CPAMD8: variants seen among roughly 807,000 people sequenced by gnomAD.
CPAMD8 encodes the protein C3 and PZP-like alpha-2-macroglobulin domain-containing protein 8.
Under a neutral mutation model 224.7 loss-of-function variants are expected in CPAMD8, and 146 were observed. That is an observed-to-expected ratio of 0.65 (90% CI 0.57 to 0.75). The LOEUF is 0.75. CPAMD8 is among the 30% of genes least tolerant of loss of function. The probability of loss-of-function intolerance (pLI) is 0.00; values close to 1 mark genes in which losing one functional copy is unlikely to be tolerated. For synonymous variants in CPAMD8, 966 were observed against 1,044.6 expected, an observed-to-expected ratio of 0.92 and a Z score of 1.45; for missense variants, 2,301 against 2,537.5, an observed-to-expected ratio of 0.91 and a Z score of 2.00.
chr19:16,991,866 A>AC (rs1568572592), intron 12 of CPAMD8, among the ~76,000 whole-genome samples: 1 of 150,884 alleles, frequency 6.6e-6, no homozygotes, highest in Non-Finnish European at 1.5e-5. Context: ...AAAAAAAAAA[A>AC]CAACAGAACA....
chr19:16,958,785 A>C (rs1326947452), intron 18 of CPAMD8, among the ~76,000 whole-genome samples: 3 of 148,650 alleles, frequency 2.0e-5, no homozygotes, highest in African/African-American at 4.9e-5. Flanking sequence ...AACATCTGTT[A>C]TTTTTTTACT....
intron 3 of CPAMD8, chr19:17,013,585 A>C (rs138321651): frequency 8.8e-4 from 129 of 146,752 alleles, no homozygotes; most frequent in African/African-American, 3.1e-3. Flanking sequence ...CATTGATCTG[A>C]ATTGTCCAGA....
intron 12 of CPAMD8, 84 bp downstream of exon 12, chr19:16,993,332 G>A (rs752783091): frequency 2.9e-5 from 34 of 1,165,890 alleles, no homozygotes; most frequent in Non-Finnish European, 4.2e-5. Context: ...CAGGCCCACT[G>A]ATCAGGTGCC....
intron 13 of CPAMD8, among the ~76,000 whole-genome samples, chr19:16,989,442 A>G (rs1045658367): frequency 2.0e-5 from 3 of 151,972 alleles, no homozygotes; most frequent in African/African-American, 7.2e-5. Flanking sequence ...ACGCACCACC[A>G]CACTCAGCTA....
chr19:16,965,301 C>T (rs1250237166), intron 18 of CPAMD8, among the ~76,000 whole-genome samples: 1 of 151,962 alleles, frequency 6.6e-6, no homozygotes, highest in Non-Finnish European at 1.5e-5. Flanking sequence ...GCCCTTCATG[C>T]TAAAAACTCT....
At chr19:16,997,445 G>A (rs1218256262) in intron 10 of CPAMD8, 107 bp from the exon 11 acceptor site, 2 of 706,042 alleles carry the variant, frequency 2.8e-6, no homozygotes, top group Non-Finnish European at 5.1e-6. Flanking sequence ...CTGCTTGGAG[G>A]GCCAGGGGTC....
intron 22 of CPAMD8, among the ~76,000 whole-genome samples, chr19:16,941,006 C>G (rs1278388059): frequency 6.6e-6 from 1 of 152,240 alleles, no homozygotes; most frequent in Non-Finnish European, 1.5e-5. Flanking sequence ...TCTCAGCTCA[C>G]TGCAACCTCT....
In CPAMD8 at chr19:16,931,684, A is replaced by G. The variant is rs1408109286; in HGVS notation, c.2846-2444T>C. 2.6e-5 allele frequency among the ~76,000 whole-genome samples: 4 copies of G among 152,118 alleles called. No homozygotes were observed. In the East Asian group the frequency reaches 7.7e-4, roughly 29 times the overall value. On this transcript the variant is annotated intron_variant, in intron 23 of 41. Coordinates refer to ENST00000443236, the MANE Select transcript of CPAMD8 (RefSeq NM_015692.5). ...ACCAGTGTAGAATGCCCTGGTGCTCAAGGAAGTCATGCTTTGCCCACTGCT... is the reference window on the plus strand; with the variant it reads ...ACCAGTGTAGAATGCCCTGGTGCTCGAGGAAGTCATGCTTTGCCCACTGCT...
rs141603958 is a variant in CPAMD8, at chr19:16,981,824, C to A, written c.1396-1138G>T. Among the ~76,000 whole-genome samples the A allele has an allele frequency of 6.3e-3, 967 of 152,288 alleles. 5 individuals are homozygous for A. The highest frequency in any genetic ancestry group is 0.022 in the African/African-American group (919 of 41,558). ...TCTTGCCGTGGAAGCTTGGGCAAAT[C>A]ATTTCACCTCTCTGAGCCTCAGTTT... On this transcript the variant is annotated intron_variant, in intron 13 of 41. Coordinates refer to ENST00000443236, the MANE Select transcript of CPAMD8 (RefSeq NM_015692.5).
chr19:16,995,515 C>G (rs958541610), intron 11 of CPAMD8, among the ~76,000 whole-genome samples: 6 of 152,224 alleles, frequency 3.9e-5, no homozygotes, highest in African/African-American at 1.4e-4. Context: ...ATTATCGTGC[C>G]TCAGCCTCCT....
chr19:16,941,756 C>T (rs1211286841), intron 22 of CPAMD8, among the ~76,000 whole-genome samples: 4 of 151,932 alleles, frequency 2.6e-5, no homozygotes, highest in East Asian at 1.9e-4. Context: ...GAGTGGATCA[C>T]GAGGTCAAGA....
chr19:17,008,441 T>C, intron 7 of CPAMD8, 64 bp downstream of exon 7: 2 of 1,582,502 alleles, frequency 1.3e-6, no homozygotes, highest in South Asian at 2.2e-5. Flanking sequence ...GGACAGAGCA[T>C]ATTCTGTTTT....
chr19:16,911,996 G>A (rs994362009), intron 29 of CPAMD8, among the ~76,000 whole-genome samples: 1 of 152,152 alleles, frequency 6.6e-6, no homozygotes, highest in African/African-American at 2.4e-5. Flanking sequence ...CACTCCTTAT[G>A]AGAATCTAAA....
At chr19:16,915,415 C>T (rs2052911646) in intron 27 of CPAMD8, among the ~76,000 whole-genome samples, 1 of 152,138 alleles carries the variant, frequency 6.6e-6, no homozygotes, top group Admixed American at 6.5e-5. Flanking sequence ...AAAAACGAGC[C>T]CCAGTGCACT....
chr19:16,902,242 C>G (rs749937922), intron 35 of CPAMD8, among the ~76,000 whole-genome samples: 2 of 152,168 alleles, frequency 1.3e-5, no homozygotes, highest in South Asian at 2.1e-4. Context: ...ACTGGCTGGG[C>G]GAGGTGGCTC....
rs750773578 is a variant in CPAMD8, at chr19:16,925,360, C to T, written c.3383G>A (p.Gly1128Glu). The T allele has an allele frequency of 4.3e-6, 7 of 1,613,940 alleles. No homozygotes were observed. Among genetic ancestry groups the T allele is most frequent in the East Asian group, 2.2e-5 (1 of 44,878 alleles). Residue 1128 changes from glycine (G) to glutamate (E), a missense_variant, in exon 26 of 42, where the codon GGG (glycine) becomes GAG (glutamate). By Grantham distance (98) the Gly-to-Glu change is moderately conservative. Around this residue, in one of 4 missense-constraint regions of CPAMD8, gnomAD observed 1,709 missense variants for 1,753.2 expected, o/e 0.97. Coordinates refer to ENST00000443236, the MANE Select transcript of CPAMD8 (RefSeq NM_015692.5). ...ATASIIGDVM[G>E]PTLNHLNNLL... ...GTTGTTGAGGTGGTTCAGGGTTGGC[C>T]CCATGACGTCCCCTGGTGGGAAGGA...
intron 18 of CPAMD8, among the ~76,000 whole-genome samples, chr19:16,968,225 T>C (rs892525661): frequency 1.3e-5 from 2 of 152,068 alleles, no homozygotes; most frequent in African/African-American, 2.4e-5. Flanking sequence ...CTTCCATGTG[T>C]ATCCAAACTA....
At chr19:16,897,852 ACCGGG>A in intron 38 of CPAMD8, 32 bp downstream of exon 38, 1 of 1,582,356 alleles carries the variant, frequency 6.3e-7, no homozygotes, top group Non-Finnish European at 8.6e-7. Context: ...CGGGTCAGGG[ACCGGG>A]CCGGGCCGGG....
intron 3 of CPAMD8, among the ~76,000 whole-genome samples, chr19:17,017,474 C>T (rs917153659): frequency 2.6e-5 from 4 of 152,170 alleles, no homozygotes; most frequent in Non-Finnish European, 4.4e-5. Context: ...GGGACTGCTG[C>T]TCTAGGGTTT....
Sources: allele counts gnomAD v4.1 joint callset (sites outside exome capture counted in the v4.1 genomes callset), GRCh38; gene constraint gnomAD v4.1.1; regional missense constraint gnomAD v4.1.1; transcripts MANE v1.5; gene names NCBI Gene and HGNC (gene_info 2026-07-23, HGNC 2026-07-21).